The following KDM4C variants were observed in gnomAD, a reference collection of about 807,000 sequenced individuals.
The protein encoded by KDM4C is lysine demethylase 4C.
Under a neutral mutation model 129.3 loss-of-function variants are expected in KDM4C, and 81 were observed. The ratio of observed to expected loss-of-function variants is 0.63; its 90% CI spans 0.52 to 0.75. KDM4C has a LOEUF of 0.75. KDM4C is among the 30% of genes least tolerant of loss of function. KDM4C has a pLI of 0.00. For synonymous variants in KDM4C, 573 were observed against 456.1 expected (o/e 1.26, Z -3.26); for missense variants, 1,457 against 1,304.0 (o/e 1.12, Z -1.81).
At chr9:7,163,080 A>G (rs1843978912) in intron 19 of KDM4C, among the ~76,000 whole-genome samples, 1 of 152,154 alleles carries the variant, frequency 6.6e-6, no homozygotes, top group Non-Finnish European at 1.5e-5. Context: ...TCTCCGTGGA[A>G]GGAGCAGAGC....
At chr9:6,847,455 G>A (rs1838041807) in intron 4 of KDM4C, among the ~76,000 whole-genome samples, 1 of 151,916 alleles carries the variant, frequency 6.6e-6, no homozygotes, top group Non-Finnish European at 1.5e-5. Flanking sequence ...CTGGAGTGCA[G>A]TGGCACGATC....
At chr9:7,165,458 TG>T in intron 20 of KDM4C, 101 bp downstream of exon 20, 1 of 1,325,828 alleles carries the variant, frequency 7.5e-7, no homozygotes, top group Non-Finnish European at 1.0e-6. Flanking sequence ...CACATGAATT[TG>T]GGACACCTCT....
chr9:7,064,396 A>G (rs1674291652), intron 17 of KDM4C, among the ~76,000 whole-genome samples: 1 of 152,214 alleles, frequency 6.6e-6, no homozygotes, highest in African/African-American at 2.4e-5. Flanking sequence ...AAGATGCATA[A>G]TGTGGAGTAT....
At chr9:6,874,211 A>G (rs900387822) in intron 5 of KDM4C, among the ~76,000 whole-genome samples, 6 of 152,256 alleles carry the variant, frequency 3.9e-5, no homozygotes, top group Admixed American at 1.3e-4. Flanking sequence ...AGGCTTGGTT[A>G]GCACTGCATT....
rs74834487 is a variant in KDM4C at position 7,029,894 on chromosome 9, G to A, written c.2259+13965G>A. ...TACATGGCAGCATTAAGCCTATGGTGTCATTGTTTATTGCCAGTTTGAAAA... is the reference window on the plus strand; with the variant it reads ...TACATGGCAGCATTAAGCCTATGGTATCATTGTTTATTGCCAGTTTGAAAA... On this transcript the variant is annotated intron_variant, in intron 15 of 21. Transcript: ENST00000381309. Among the ~76,000 whole-genome samples the A allele has an allele frequency of 8.2e-3, 1,255 of 152,286 alleles. 22 individuals are homozygous for A. Among genetic ancestry groups the A allele is most frequent in the African/African-American group, 0.028 (1,160 of 41,534 alleles).
chr9:6,868,712 T>G (rs1213659411), intron 5 of KDM4C, among the ~76,000 whole-genome samples: 2 of 152,016 alleles, frequency 1.3e-5, no homozygotes, highest in Non-Finnish European at 2.9e-5. Context: ...GTATTTTTGA[T>G]CTGTGATTGG....
At chr9:7,052,576 T>G (rs922349302) in intron 17 of KDM4C, among the ~76,000 whole-genome samples, 1 of 152,208 alleles carries the variant, frequency 6.6e-6, no homozygotes, top group Non-Finnish European at 1.5e-5. Context: ...ACTTTACTTA[T>G]CTGCATCACA....
At chr9:7,170,880 C>A in intron 21 of KDM4C, 1 of 450,842 alleles carries the variant, frequency 2.2e-6, no homozygotes, top group Non-Finnish European at 2.9e-6. Context: ...TTGTCTTTGG[C>A]CTCACATAAA....
intron 19 of KDM4C, among the ~76,000 whole-genome samples, chr9:7,148,441 G>A (rs2130054454): frequency 6.6e-6 from 1 of 152,206 alleles, no homozygotes; most frequent in Middle Eastern, 3.4e-3. Context: ...CGTTGTGTGG[G>A]GCAGCTGCCC....
chr9:6,808,086 T>C (rs540883376), intron 3 of KDM4C, among the ~76,000 whole-genome samples: 9 of 47,164 alleles, frequency 1.9e-4, no homozygotes, highest in Non-Finnish European at 2.4e-4. Context: ...GGAGCCCCTC[T>C]GCCCGGCCAG....
intron 17 of KDM4C, among the ~76,000 whole-genome samples, chr9:7,080,036 G>GAA (rs77549139): frequency 6.8e-6 from 1 of 146,818 alleles, no homozygotes; most frequent in Non-Finnish European, 1.5e-5. Context: ...AATAAATACT[G>GAA]AAAAAAAAAA....
intron 8 of KDM4C, among the ~76,000 whole-genome samples, chr9:6,977,554 C>T (rs1453794195): frequency 6.6e-6 from 1 of 152,130 alleles, no homozygotes; most frequent in Non-Finnish European, 1.5e-5. Context: ...ATGAAGAAGT[C>T]ACATAAGTCG....
chr9:6,882,151 A>G (rs946711698), intron 6 of KDM4C, among the ~76,000 whole-genome samples: 1 of 152,214 alleles, frequency 6.6e-6, no homozygotes, highest in Non-Finnish European at 1.5e-5. Flanking sequence ...TTATTTATAC[A>G]GGTTTTCCCC....
intron 8 of KDM4C, among the ~76,000 whole-genome samples, chr9:6,928,175 C>T (rs747357436): frequency 6.6e-6 from 1 of 152,200 alleles, no homozygotes; most frequent in Non-Finnish European, 1.5e-5. Context: ...CTCACCCTCT[C>T]CATCCTTGCA....
chr9:7,001,556 C>G (rs1007823001), intron 12 of KDM4C, among the ~76,000 whole-genome samples: 1 of 152,190 alleles, frequency 6.6e-6, no homozygotes, highest in Non-Finnish European at 1.5e-5. Flanking sequence ...TTTCTGTATG[C>G]TCCCCTGAAT....
At chr9:6,783,141 TG>T (rs1824727439) in intron 1 of KDM4C, among the ~76,000 whole-genome samples, 1 of 152,148 alleles carries the variant, frequency 6.6e-6, no homozygotes, top group Admixed American at 6.5e-5. Context: ...CCACTGTTCT[TG>T]TTCTAAAGGG....
At chr9:6,796,224 C>T (rs1393237755) in intron 2 of KDM4C, among the ~76,000 whole-genome samples, 2 of 152,128 alleles carry the variant, frequency 1.3e-5, no homozygotes, top group Non-Finnish European at 2.9e-5. Context: ...GTGGGTGGAT[C>T]ACTTGAGGTC....
At chr9:7,052,894 A>AGAGAGAGAGAGAGAGGGAGC (rs1339242817) in intron 17 of KDM4C, among the ~76,000 whole-genome samples, 2 of 105,500 alleles carry the variant, frequency 1.9e-5, no homozygotes, top group Non-Finnish European at 4.1e-5. Context: ...AGAGAGAGAG[A>AGAGAGAGAGAGAGAGGGAGC]GAGAGAGCGA....
intron 9 of KDM4C, among the ~76,000 whole-genome samples, chr9:6,982,946 A>G (rs192209833): frequency 6.6e-6 from 1 of 152,268 alleles, no homozygotes; most frequent in Admixed American, 6.5e-5. Context: ...GAGATTATTG[A>G]TCTCCCTTTG....
Sources: gnomAD v4.1 joint callset for allele counts (sites outside exome capture counted in the v4.1 genomes callset) on GRCh38, gnomAD v4.1.1 for gene constraint, MANE v1.5 for transcripts, NCBI Gene and HGNC (gene_info 2026-07-23, HGNC 2026-07-21) for gene names.